Variants in STAG1 observed in about 807,000 individuals in gnomAD.
The protein encoded by STAG1 is cohesin subunit SA-1.
Under a neutral mutation model 170.9 loss-of-function variants are expected in STAG1, and 26 were observed. That is an observed-to-expected ratio of 0.15 (90% CI 0.11 to 0.21). The LOEUF is 0.21. Ranked by LOEUF, STAG1 falls within the 10% of genes least tolerant of loss-of-function variation. STAG1 has a pLI of 1.00. For missense variants in STAG1, 964 were observed against 1,509.5 expected (o/e 0.64, Z 5.99); for synonymous variants, 514 against 497.7 (o/e 1.03, Z -0.44).
At chr3:136,442,220 T>C (rs1297559863) in intron 15 of STAG1, among the ~76,000 whole-genome samples, 2 of 152,106 alleles carry the variant, frequency 1.3e-5, no homozygotes, top group Non-Finnish European at 2.9e-5. Flanking sequence ...AAATTTTCTT[T>C]TGATTCTGAA....
At chr3:136,689,790 C>T (rs1942659310) in intron 1 of STAG1, among the ~76,000 whole-genome samples, 1 of 152,066 alleles carries the variant, frequency 6.6e-6, no homozygotes, top group Non-Finnish European at 1.5e-5. Context: ...CCTGTAATCT[C>T]AGCACTTTGG....
At chr3:136,579,960 T>A (rs1937556019) in intron 4 of STAG1, among the ~76,000 whole-genome samples, 1 of 72,228 alleles carries the variant, frequency 1.4e-5, no homozygotes, top group African/African-American at 4.6e-5. Flanking sequence ...CCATCTGAAT[T>A]TTTTTTTTTT....
intron 1 of STAG1, among the ~76,000 whole-genome samples, chr3:136,659,686 G>C (rs1941511479): frequency 6.6e-6 from 1 of 152,176 alleles, no homozygotes; most frequent in African/African-American, 2.4e-5. Flanking sequence ...ATTACTAAAT[G>C]AAGTCTATAA....
chr3:136,598,831 T>C (rs550785760), intron 4 of STAG1, among the ~76,000 whole-genome samples: 15 of 152,294 alleles, frequency 9.8e-5, no homozygotes, highest in Middle Eastern at 3.4e-3. Context: ...AACTGCATTA[T>C]AAAGAAAACG....
At chr3:136,612,522 AC>A (rs1264547687) in intron 3 of STAG1, among the ~76,000 whole-genome samples, 1 of 152,190 alleles carries the variant, frequency 6.6e-6, no homozygotes, top group African/African-American at 2.4e-5. Context: ...GATAAAAAAA[AC>A]AAAAAACAAG....
At chr3:136,680,691 G>A (rs1942302983) in intron 1 of STAG1, among the ~76,000 whole-genome samples, 1 of 151,518 alleles carries the variant, frequency 6.6e-6, no homozygotes, top group African/African-American at 2.4e-5. Context: ...AGATAAGGAT[G>A]AAAGATTTAC....
chr3:136,519,012 A>G (rs970566856), intron 7 of STAG1, among the ~76,000 whole-genome samples: 1 of 152,234 alleles, frequency 6.6e-6, no homozygotes, highest in South Asian at 2.1e-4. Context: ...ATAAGTATAG[A>G]GAAAACAATA....
intron 28 of STAG1, among the ~76,000 whole-genome samples, chr3:136,354,371 C>T (rs892684341): frequency 2.0e-5 from 3 of 152,108 alleles, no homozygotes; most frequent in South Asian, 2.1e-4. Flanking sequence ...TGGCTTACTG[C>T]GACCTCTGCC....
intron 4 of STAG1, among the ~76,000 whole-genome samples, chr3:136,598,089 A>G (rs2107800566): frequency 6.6e-6 from 1 of 152,300 alleles, no homozygotes; most frequent in East Asian, 1.9e-4. Context: ...TGGACATTAT[A>G]CTAAAAGATT....
At chr3:136,427,483 T>C (rs1244506556) in intron 16 of STAG1, among the ~76,000 whole-genome samples, 1 of 152,140 alleles carries the variant, frequency 6.6e-6, no homozygotes, top group African/African-American at 2.4e-5. Context: ...ACCATAAACC[T>C]TGAATAACAT....
intron 21 of STAG1, among the ~76,000 whole-genome samples, chr3:136,410,083 A>G (rs1351851579): frequency 1.3e-5 from 2 of 151,354 alleles, no homozygotes; most frequent in Non-Finnish European, 2.9e-5. Context: ...AAAAAAAAAA[A>G]AAAAAAAGAT....
At chr3:136,629,483 T>C (rs1323198596) in intron 2 of STAG1, among the ~76,000 whole-genome samples, 1 of 152,000 alleles carries the variant, frequency 6.6e-6, no homozygotes, top group Admixed American at 6.6e-5. Context: ...TATACCATAT[T>C]TATATATGTT....
At position 136,392,749 on chromosome 3, in the gene STAG1, G is replaced by A. The variant is rs185853657; in HGVS notation, c.2277+6000C>T. ...CAACTGCATTCCACCCTGGGTGACA[G>A]AGCCAGGCTCCGTCTCAAAAAAAAA... is the stretch of plus-strand genomic sequence containing the variant. On this transcript the variant is annotated intron_variant, in intron 22 of 33. Coordinates refer to ENST00000383202, the MANE Select transcript of STAG1 (RefSeq NM_005862.3). 3.1e-5 allele frequency among the ~76,000 whole-genome samples: 4 copies of A among 129,046 alleles called. No homozygotes were observed. The East Asian group carries it at 9.2e-4, about 30-fold the overall frequency. The allele number at this position is 129,046 out of a possible 152,430, so 84.7% of individuals were successfully genotyped here. A position where few individuals can be genotyped will look rare whatever the true frequency, so the allele number is the denominator to read the frequency against.
intron 12 of STAG1, among the ~76,000 whole-genome samples, chr3:136,467,193 A>G (rs2089488496): frequency 6.6e-6 from 1 of 152,224 alleles, no homozygotes; most frequent in African/African-American, 2.4e-5. Flanking sequence ...TAAATGCTCC[A>G]ATTAAAAGAC....
At chr3:136,366,135 A>T (rs1198533015) in intron 25 of STAG1, among the ~76,000 whole-genome samples, 1 of 152,096 alleles carries the variant, frequency 6.6e-6, no homozygotes, top group East Asian at 1.9e-4. Context: ...GAAGTTAGAC[A>T]AGCCTAAAAT....
intron 13 of STAG1, among the ~76,000 whole-genome samples, chr3:136,459,642 A>G (rs1186261167): frequency 6.6e-6 from 1 of 152,224 alleles, no homozygotes; most frequent in Non-Finnish European, 1.5e-5. Flanking sequence ...ATAGATTTTA[A>G]AATATTGAAT....
intron 22 of STAG1, among the ~76,000 whole-genome samples, chr3:136,382,631 G>A (rs1451712799): frequency 1.3e-5 from 2 of 151,830 alleles, no homozygotes; most frequent in African/African-American, 4.8e-5. Context: ...GGCTGGTCTC[G>A]AACTCCTGAC....
chr3:136,379,126 T>C (rs1019499750), intron 22 of STAG1, among the ~76,000 whole-genome samples: 1 of 152,258 alleles, frequency 6.6e-6, no homozygotes, highest in African/African-American at 2.4e-5. Flanking sequence ...GAACTTTTCA[T>C]GTTTCTGCAG....
chr3:136,718,334 C>T (rs910342928), intron 1 of STAG1, among the ~76,000 whole-genome samples: 1 of 152,148 alleles, frequency 6.6e-6, no homozygotes, highest in African/African-American at 2.4e-5. Context: ...ATTTTGTCTT[C>T]ATCTGTATTG....
Sources: gnomAD v4.1 joint callset for allele counts (sites outside exome capture counted in the v4.1 genomes callset) on GRCh38, gnomAD v4.1.1 for gene constraint, MANE v1.5 for transcripts, NCBI Gene and HGNC (gene_info 2026-07-23, HGNC 2026-07-21) for gene names.